SLCO2A1: variants seen among roughly 807,000 people sequenced by gnomAD.
SLCO2A1 encodes the protein solute carrier organic anion transporter family member 2A1.
In SLCO2A1, 60 loss-of-function variants were observed where a neutral mutation model predicts 71.7. That is an observed-to-expected ratio of 0.84 (90% CI 0.68 to 1.04). SLCO2A1 has a LOEUF of 1.04. Ranked by LOEUF, SLCO2A1 falls within the 50% of genes least tolerant of loss-of-function variation. The pLI is 0.00. For synonymous variants in SLCO2A1, 308 were observed against 326.7 expected, an observed-to-expected ratio of 0.94 and a Z score of 0.62; for missense variants, 745 against 813.4, an observed-to-expected ratio of 0.92 and a Z score of 1.02.
Position 133,934,231 on chromosome 3 carries a change from T to A in SLCO2A1, c.*482A>T, listed in dbSNP as rs187900223. ...AGGGGGTTACAGCCAGTCTCCCCAG[T>A]CTCCCAGTGGCTCTGGCTATTAATA... is the stretch of plus-strand genomic sequence containing the variant. On this transcript the variant is annotated 3_prime_UTR_variant, in exon 14 of 14. Coordinates refer to ENST00000310926, the MANE Select transcript of SLCO2A1 (RefSeq NM_005630.3). 1 of 153,342 alleles carries A rather than the reference T, an allele frequency of 6.5e-6. No homozygotes were observed. Among genetic ancestry groups the A allele is most frequent in the East Asian group, 1.9e-4 (1 of 5,188 alleles). 9.5% of individuals were successfully genotyped at this position (153,342 alleles called of 1,614,324 possible).
chr3:134,011,327 G>T (rs1935341265), intron 1 of SLCO2A1, among the ~76,000 whole-genome samples: 1 of 152,214 alleles, frequency 6.6e-6, no homozygotes, highest in Non-Finnish European at 1.5e-5. Flanking sequence ...GGAATTACAG[G>T]CGTGAGCCAC....
intron 1 of SLCO2A1, among the ~76,000 whole-genome samples, chr3:133,984,345 C>T (rs1458155257): frequency 6.6e-6 from 1 of 152,172 alleles, no homozygotes; most frequent in African/African-American, 2.4e-5. Flanking sequence ...AGCTATTGGC[C>T]CCTGCAAGCC....
intron 3 of SLCO2A1, among the ~76,000 whole-genome samples, chr3:133,957,052 C>T (rs1037277941): frequency 2.0e-5 from 3 of 152,180 alleles, no homozygotes; most frequent in African/African-American, 7.2e-5. Flanking sequence ...AACGTCTCTC[C>T]CATTTCTTCT....
At chr3:134,001,576 C>T (rs1935104247) in intron 1 of SLCO2A1, among the ~76,000 whole-genome samples, 1 of 152,158 alleles carries the variant, frequency 6.6e-6, no homozygotes, top group South Asian at 2.1e-4. Context: ...GTTTGCCTTC[C>T]CCCTCTCTCT....
intron 3 of SLCO2A1, 53 bp downstream of exon 3, chr3:133,973,610 T>G: frequency 1.6e-3 from 2,439 of 1,555,508 alleles, no homozygotes; most frequent in Non-Finnish European, 2.0e-3. Context: ...ACTAACTTTG[T>G]GAGATGTTCA....
In SLCO2A1 at chr3:133,947,306, C is replaced by T. The variant is rs949045436; in HGVS notation, c.1245G>A (p.Leu415=). The part of the protein sequence containing the change: ...ITISMILCVP[L]FFMGCSTPTV... ...TTGGGGTGGAGCATCCCATGAAGAA[C>T]AAAGGAACACAAAGGATCATGGAGA... The change falls in exon 9 of 14, where the codon TTG becomes TTA. Residue 415 remains leucine (L), a synonymous_variant. Coordinates refer to ENST00000310926, the MANE Select transcript of SLCO2A1 (RefSeq NM_005630.3). The T allele has an allele frequency of 2.5e-6, 4 of 1,613,954 alleles. No homozygotes were observed. The highest frequency in any genetic ancestry group is 3.4e-6 in the Non-Finnish European group (4 of 1,180,020).
chr3:133,979,671 C>T, intron 1 of SLCO2A1, 53 bp from the exon 2 acceptor site: 1 of 1,544,090 alleles, frequency 6.5e-7, no homozygotes, highest in Non-Finnish European at 8.7e-7. Context: ...GCCCTGGCGC[C>T]CTCCCAGCCA....
At chr3:133,964,147 A>T (rs1397644096) in intron 3 of SLCO2A1, among the ~76,000 whole-genome samples, 1 of 152,236 alleles carries the variant, frequency 6.6e-6, no homozygotes, top group African/African-American at 2.4e-5. Flanking sequence ...CCCAGAGGAA[A>T]AAATGAGTTG....
At chr3:133,967,955 C>T in intron 3 of SLCO2A1, among the ~76,000 whole-genome samples, 1 of 97,892 alleles carries the variant, frequency 1.0e-5, no homozygotes, top group African/African-American at 4.2e-5. Flanking sequence ...CACACTTCCC[C>T]CGACATGGAC....
intron 3 of SLCO2A1, among the ~76,000 whole-genome samples, chr3:133,966,741 A>G (rs1934186482): frequency 6.6e-6 from 1 of 152,244 alleles, no homozygotes; most frequent in African/African-American, 2.4e-5. Flanking sequence ...CACGCTGCCC[A>G]GTTGGGCCCA....
At chr3:134,026,952 A>C (rs57064586) in intron 1 of SLCO2A1, among the ~76,000 whole-genome samples, 21,122 of 151,942 alleles carry the variant, frequency 0.14, 1,751 homozygotes, top group East Asian at 0.38. Flanking sequence ...AGAATTTAAA[A>C]CTCTAATAAT....
At chr3:133,975,612 C>T (rs4854780) in intron 2 of SLCO2A1, among the ~76,000 whole-genome samples, 27,217 of 152,076 alleles carry the variant, frequency 0.18, 2,840 homozygotes, top group East Asian at 0.27. Flanking sequence ...CACAGCCTGC[C>T]CCCTGGTCAC....
chr3:133,961,888 C>T (rs1044809996), intron 3 of SLCO2A1, among the ~76,000 whole-genome samples: 3 of 152,068 alleles, frequency 2.0e-5, no homozygotes, highest in African/African-American at 7.2e-5. Flanking sequence ...TAAATGCAAC[C>T]CCGAGGTCAG....
intron 3 of SLCO2A1, among the ~76,000 whole-genome samples, chr3:133,970,427 G>T (rs1387030662): frequency 6.6e-6 from 1 of 152,222 alleles, no homozygotes; most frequent in Non-Finnish European, 1.5e-5. Flanking sequence ...TTAATGAAAT[G>T]CATTTGTTCC....
At chr3:133,984,473 A>C (rs1934663379) in intron 1 of SLCO2A1, among the ~76,000 whole-genome samples, 1 of 152,088 alleles carries the variant, frequency 6.6e-6, no homozygotes, top group Non-Finnish European at 1.5e-5. Context: ...TAGAAAAGGC[A>C]GGGAGAAAAG....
chr3:134,020,182 C>T (rs1350222028), intron 1 of SLCO2A1, among the ~76,000 whole-genome samples: 2 of 152,164 alleles, frequency 1.3e-5, no homozygotes, highest in African/African-American at 2.4e-5. Flanking sequence ...TGTGCACCCC[C>T]TTAGAGTTGT....
chr3:133,952,849 G>C (rs1311901751), intron 5 of SLCO2A1, among the ~76,000 whole-genome samples: 2 of 152,184 alleles, frequency 1.3e-5, no homozygotes, highest in African/African-American at 4.8e-5. Context: ...TGGCTAGTAA[G>C]AGATGGAGCC....
At position 133,979,582 on chromosome 3, in the gene SLCO2A1, G is replaced by A. The variant is rs1576444504; in HGVS notation, c.133C>T (p.Gln45Ter). ...VLCQGLLQLC[Q>*]LLYSAYFKSS... ...TTGAAGTAGGCGCTGTACAGGAGTT[G>A]GCAGAGCTGCAGGAGGCCTTGGCAG... The change falls in exon 2 of 14, where the codon CAA becomes TAA. Residue 45 changes from glutamine to a stop codon, truncating the protein, a stop_gained. Transcript: ENST00000310926. LOFTEE classifies it high-confidence loss of function. 6.2e-7 allele frequency: 1 copy of A among 1,613,962 alleles called. No individual in the cohort carries two copies. Among genetic ancestry groups the A allele is most frequent in the East Asian group, 2.2e-5 (1 of 44,876 alleles).
intron 1 of SLCO2A1, among the ~76,000 whole-genome samples, chr3:134,006,859 A>G (rs1040160113): frequency 6.6e-6 from 1 of 152,210 alleles, no homozygotes; most frequent in Non-Finnish European, 1.5e-5. Flanking sequence ...CTGCTAGATC[A>G]TATTATGACT....
Sources: allele counts gnomAD v4.1 joint callset (sites outside exome capture counted in the v4.1 genomes callset), GRCh38; gene constraint gnomAD v4.1.1; transcripts MANE v1.5; gene names NCBI Gene and HGNC (gene_info 2026-07-23, HGNC 2026-07-21).